The following SDCCAG8 variants were observed in gnomAD, a reference collection of about 807,000 sequenced individuals.
SDCCAG8 encodes the protein SHH signaling and ciliogenesis regulator SDCCAG8, also known as serologically defined colon cancer antigen 8.
A neutral mutation model predicts 101.8 loss-of-function variants in SDCCAG8; 74 were observed. The ratio of observed to expected loss-of-function variants is 0.73; its 90% CI spans 0.60 to 0.88. The LOEUF is 0.88. Ranked by LOEUF, SDCCAG8 falls within the 40% of genes least tolerant of loss-of-function variation. The probability of loss-of-function intolerance (pLI) is 0.00; values close to 1 mark genes in which losing one functional copy is unlikely to be tolerated. For missense variants in SDCCAG8, 787 were observed against 822.6 expected, an observed-to-expected ratio of 0.96 and a Z score of 0.53; for synonymous variants, 281 against 292.9, an observed-to-expected ratio of 0.96 and a Z score of 0.41.
At chr1:243,399,381 A>G (rs1049149422) in intron 13 of SDCCAG8, among the ~76,000 whole-genome samples, 20 of 152,240 alleles carry the variant, frequency 1.3e-4, no homozygotes, top group African/African-American at 4.8e-5. Flanking sequence ...TGGAAAGGAA[A>G]AAAAAATTAT....
chr1:243,262,342 G>A (rs1183390931), intron 1 of SDCCAG8, among the ~76,000 whole-genome samples: 1 of 150,880 alleles, frequency 6.6e-6, no homozygotes, highest in Non-Finnish European at 1.5e-5. Context: ...CTGGCCTCAA[G>A]TGATCCACCT....
At chr1:243,496,925 C>G (rs963672780) in intron 17 of SDCCAG8, among the ~76,000 whole-genome samples, 1 of 152,202 alleles carries the variant, frequency 6.6e-6, no homozygotes, top group South Asian at 2.1e-4. Context: ...GTGGACAGCA[C>G]GGCAGGGGAG....
chr1:243,476,999 TACACACAC>T (rs531152514), intron 16 of SDCCAG8, among the ~76,000 whole-genome samples: 1 of 102,322 alleles, frequency 9.8e-6, no homozygotes, highest in African/African-American at 3.2e-5. Context: ...ACTGGTTCTG[TACACACAC>T]ACACACACAC....
chr1:243,411,688 A>G (rs1054608990), intron 13 of SDCCAG8, among the ~76,000 whole-genome samples: 2 of 152,080 alleles, frequency 1.3e-5, no homozygotes, highest in South Asian at 2.1e-4. Flanking sequence ...ACATCATAAT[A>G]TATGTCTTTG....
At chr1:243,324,627 T>C (rs1434431426) in intron 9 of SDCCAG8, among the ~76,000 whole-genome samples, 1 of 152,108 alleles carries the variant, frequency 6.6e-6, no homozygotes, top group African/African-American at 2.4e-5. Flanking sequence ...TCCAGTGGTA[T>C]ACTTCACGTA....
chr1:243,488,622 C>T (rs900915851), intron 16 of SDCCAG8, among the ~76,000 whole-genome samples: 25 of 152,152 alleles, frequency 1.6e-4, no homozygotes, highest in Admixed American at 1.6e-3. Flanking sequence ...TTTCCACGGC[C>T]CTCACCCACT....
chr1:243,295,364 A>G (rs1316323293), intron 6 of SDCCAG8, among the ~76,000 whole-genome samples: 1 of 152,042 alleles, frequency 6.6e-6, no homozygotes, highest in Non-Finnish European at 1.5e-5. Flanking sequence ...CAGCACCCCA[A>G]GTAGCTGGGA....
In SDCCAG8 at chr1:243,387,966, T is replaced by C. The variant is rs565557377; in HGVS notation, c.1616+9103T>C. Reference sequence around the variant, plus strand: ...CCTGACCTCTGGTGATCTGCCTGCCTTAGCCTCCCAAAGTGCTAGGATTAC... The same window carrying C: ...CCTGACCTCTGGTGATCTGCCTGCCCTAGCCTCCCAAAGTGCTAGGATTAC... On this transcript the variant is annotated intron_variant, in intron 13 of 17. Coordinates refer to ENST00000366541, the MANE Select transcript of SDCCAG8 (RefSeq NM_006642.5). 1.2e-4 allele frequency among the ~76,000 whole-genome samples: 19 copies of C among 152,322 alleles called. No homozygotes were observed. In the East Asian group the frequency reaches 3.1e-3, roughly 25 times the overall value.
chr1:243,288,291 G>A (rs1258526719), intron 5 of SDCCAG8, among the ~76,000 whole-genome samples: 1 of 152,006 alleles, frequency 6.6e-6, no homozygotes, highest in African/African-American at 2.4e-5. Flanking sequence ...GGGCAACATA[G>A]TGAGACCCCA....
intron 13 of SDCCAG8, among the ~76,000 whole-genome samples, chr1:243,414,333 G>A (rs1430776532): frequency 6.6e-6 from 1 of 152,142 alleles, no homozygotes; most frequent in Admixed American, 6.5e-5. Context: ...TACATGGTGT[G>A]ACTGGGGAGG....
chr1:243,441,125 G>A (rs2082508938), intron 16 of SDCCAG8, among the ~76,000 whole-genome samples: 1 of 152,166 alleles, frequency 6.6e-6, no homozygotes, highest in Admixed American at 6.5e-5. Context: ...TAGAAAAACA[G>A]CATTAAAGAG....
chr1:243,394,940 A>G lies in SDCCAG8; in HGVS notation c.1616+16077A>G, dbSNP rs1397753106. On this transcript the variant is annotated intron_variant, in intron 13 of 17. Transcript: ENST00000366541. ...TCCTAGTTTTTCTGTTTGAAAGATA[A>G]GATAAGCAATGACGCATTAAGCAGG... is the stretch of plus-strand genomic sequence containing the variant. 2.0e-5 allele frequency among the ~76,000 whole-genome samples: 3 copies of G among 152,302 alleles called. No homozygotes were observed. The South Asian group carries it at 6.2e-4, about 32-fold the overall frequency.
intron 7 of SDCCAG8, among the ~76,000 whole-genome samples, chr1:243,307,010 T>A (rs949925348): frequency 6.6e-6 from 1 of 151,724 alleles, no homozygotes; most frequent in African/African-American, 2.4e-5. Context: ...GAGATGGAGA[T>A]AAAGTTCCTG....
chr1:243,459,563 G>A (rs551034629), intron 16 of SDCCAG8, among the ~76,000 whole-genome samples: 1 of 152,192 alleles, frequency 6.6e-6, no homozygotes, highest in Non-Finnish European at 1.5e-5. Context: ...CAACCTTTTG[G>A]AAGAGTGGGA....
At chr1:243,358,086 A>G (rs2076490655) in intron 12 of SDCCAG8, among the ~76,000 whole-genome samples, 1 of 152,186 alleles carries the variant, frequency 6.6e-6, no homozygotes, top group Non-Finnish European at 1.5e-5. Context: ...GAAAAAAAAT[A>G]GATAAATTGA....
At chr1:243,317,810 A>G (rs2073392296) in intron 9 of SDCCAG8, among the ~76,000 whole-genome samples, 4 of 152,190 alleles carry the variant, frequency 2.6e-5, no homozygotes, top group Admixed American at 2.6e-4. Context: ...CCCTAGACAC[A>G]CTAGCATACA....
intron 16 of SDCCAG8, among the ~76,000 whole-genome samples, chr1:243,473,617 T>C (rs1661678189): frequency 6.6e-6 from 1 of 152,126 alleles, no homozygotes; most frequent in Non-Finnish European, 1.5e-5. Context: ...CCGAGTGGAA[T>C]TAATATACTG....
At chr1:243,321,368 A>T (rs2073742109) in intron 9 of SDCCAG8, among the ~76,000 whole-genome samples, 1 of 151,956 alleles carries the variant, frequency 6.6e-6, no homozygotes, top group Admixed American at 6.6e-5. Context: ...GTACTTTTCC[A>T]GCCCATGCCC....
At chr1:243,476,106 G>C (rs1420355984) in intron 16 of SDCCAG8, 1 of 985,330 alleles carries the variant, frequency 1.0e-6, no homozygotes, top group Non-Finnish European at 1.2e-6. Context: ...TTTACTGAAT[G>C]ATTTATTGCT....
Sources: allele counts gnomAD v4.1 joint callset (sites outside exome capture counted in the v4.1 genomes callset), GRCh38; gene constraint gnomAD v4.1.1; transcripts MANE v1.5; gene names NCBI Gene and HGNC (gene_info 2026-07-23, HGNC 2026-07-21).